Variants in IL20RB observed in about 807,000 individuals in gnomAD.
IL20RB encodes interleukin-20 receptor subunit beta.
In IL20RB, 21 loss-of-function variants were observed where a neutral mutation model predicts 33.3. The ratio of observed to expected loss-of-function variants is 0.63; its 90% CI spans 0.45 to 0.91. The LOEUF is 0.91. Ranked by LOEUF, IL20RB falls within the 40% of genes least tolerant of loss-of-function variation. The probability of loss-of-function intolerance (pLI) is 0.00; values close to 1 mark genes in which losing one functional copy is unlikely to be tolerated. For synonymous variants in IL20RB, 147 were observed against 146.8 expected (o/e 1.00, Z -0.01); for missense variants, 345 against 384.8 (o/e 0.90, Z 0.86).
At chr3:136,972,585 G>C (rs904477520) in intron 1 of IL20RB, among the ~76,000 whole-genome samples, 4 of 152,042 alleles carry the variant, frequency 2.6e-5, no homozygotes, top group Non-Finnish European at 4.4e-5. Flanking sequence ...CAGTTTGTCA[G>C]CTTATAGTTG....
intron 4 of IL20RB, among the ~76,000 whole-genome samples, chr3:136,991,473 GA>G (rs1183003940): frequency 6.6e-6 from 1 of 152,214 alleles, no homozygotes; most frequent in African/African-American, 2.4e-5. Context: ...ATGATTGAAT[GA>G]ATGAGTGCCT....
intron 6 of IL20RB, among the ~76,000 whole-genome samples, chr3:137,003,821 G>C (rs918931081): frequency 5.9e-5 from 9 of 152,206 alleles, no homozygotes; most frequent in Admixed American, 2.0e-4. Flanking sequence ...GGAGTGGTGA[G>C]AGAGGGCATC....
intron 1 of IL20RB, among the ~76,000 whole-genome samples, chr3:136,975,002 T>A (rs1229261207): frequency 6.6e-6 from 1 of 152,192 alleles, no homozygotes; most frequent in East Asian, 1.9e-4. Context: ...CTCATTTATA[T>A]TCTGAATTGT....
intron 1 of IL20RB, among the ~76,000 whole-genome samples, chr3:136,973,818 CTTCT>C (rs1471695094): frequency 3.8e-4 from 57 of 151,960 alleles, no homozygotes; most frequent in African/African-American, 1.3e-3. Flanking sequence ...ATATAGTAAC[CTTCT>C]TTGTCTTTTT....
At chr3:136,993,182 G>C (rs1235183814) in intron 5 of IL20RB, among the ~76,000 whole-genome samples, 1 of 152,114 alleles carries the variant, frequency 6.6e-6, no homozygotes, top group Non-Finnish European at 1.5e-5. Context: ...GGGCAACATA[G>C]CGAGACCTCG....
chr3:136,998,129 C>CTTTT (rs35491086), intron 6 of IL20RB, among the ~76,000 whole-genome samples: 4 of 119,404 alleles, frequency 3.3e-5, no homozygotes, highest in Non-Finnish European at 5.2e-5. Context: ...ATTTTCTTTT[C>CTTTT]TTTTTTTTTT....
At chr3:136,958,224 C>T (rs376726430) in intron 1 of IL20RB, 23 bp downstream of exon 1, 8 of 1,466,868 alleles carry the variant, frequency 5.5e-6, no homozygotes, top group Middle Eastern at 1.7e-4. Context: ...TAGAATACAT[C>T]CAATAGTTTG....
chr3:136,958,774 T>C lies in IL20RB; in HGVS notation c.88+573T>C, dbSNP rs543646135. ...CTCCACTCCTGGTTGCTTGTACCTA[T>C]CTGCTTTATTGTCTTAAAATTGGAA... On this transcript the variant is annotated intron_variant, in intron 1 of 6. Coordinates refer to ENST00000329582, the MANE Select transcript of IL20RB (RefSeq NM_144717.4). 9.8e-4 allele frequency among the ~76,000 whole-genome samples: 149 copies of C among 152,354 alleles called. 1 individual carries two copies. Among genetic ancestry groups the C allele is most frequent in the Admixed American group, 4.2e-3 (65 of 15,300 alleles).
chr3:137,008,060 G>A (rs1362215379), intron 6 of IL20RB, among the ~76,000 whole-genome samples: 2 of 152,112 alleles, frequency 1.3e-5, no homozygotes, highest in Non-Finnish European at 2.9e-5. Context: ...CATGGGAATG[G>A]GTGCTTTGGT....
chr3:136,981,541 T>C (rs1006260319), intron 2 of IL20RB, among the ~76,000 whole-genome samples: 2 of 152,184 alleles, frequency 1.3e-5, no homozygotes, highest in African/African-American at 4.8e-5. Flanking sequence ...GGATGGCCTC[T>C]CTGAGGAGGT....
intron 1 of IL20RB, among the ~76,000 whole-genome samples, chr3:136,976,699 C>T (rs141771090): frequency 4.6e-4 from 70 of 152,312 alleles, no homozygotes; most frequent in African/African-American, 1.6e-3. Context: ...CAGCAATAGC[C>T]TGAGTTTCCC....
At chr3:136,996,940 C>T (rs1228520959) in intron 6 of IL20RB, among the ~76,000 whole-genome samples, 6 of 152,052 alleles carry the variant, frequency 3.9e-5, no homozygotes, top group Admixed American at 3.9e-4. Flanking sequence ...ATGTATTCTG[C>T]AGTTATTGGG....
At chr3:136,971,153 C>T (rs186633766) in intron 1 of IL20RB, among the ~76,000 whole-genome samples, 126 of 151,798 alleles carry the variant, frequency 8.3e-4, no homozygotes, top group African/African-American at 1.8e-3. Context: ...TTTTTTGAGA[C>T]GGAGTCTCAC....
chr3:136,980,082 A>G (rs1209681301), intron 1 of IL20RB, among the ~76,000 whole-genome samples: 1 of 152,228 alleles, frequency 6.6e-6, no homozygotes, highest in East Asian at 1.9e-4. Flanking sequence ...CAGTATGGTC[A>G]TGAGAATTCA....
intron 1 of IL20RB, among the ~76,000 whole-genome samples, chr3:136,967,099 G>A (rs1941371830): frequency 1.1e-5 from 1 of 92,240 alleles, no homozygotes; most frequent in Non-Finnish European, 2.1e-5. Context: ...CATTTGCTGA[G>A]GAGAGCTTTA....
At chr3:136,986,262 T>C (rs961141064) in intron 3 of IL20RB, among the ~76,000 whole-genome samples, 1 of 143,652 alleles carries the variant, frequency 7.0e-6, no homozygotes, top group South Asian at 2.2e-4. Context: ...TAAATAAAAA[T>C]AAAACAGGAA....
intron 1 of IL20RB, chr3:136,959,639 T>G (rs553308356): frequency 1.3e-5 from 2 of 152,242 alleles, no homozygotes; most frequent in Admixed American, 6.5e-5. Flanking sequence ...GCCCGTCTTA[T>G]AAGTATTTTC....
chr3:136,970,876 T>C (rs1171368086), intron 1 of IL20RB, among the ~76,000 whole-genome samples: 1 of 151,794 alleles, frequency 6.6e-6, no homozygotes, highest in Non-Finnish European at 1.5e-5. Context: ...ATGGTCTCGA[T>C]CTCCTGACCT....
chr3:136,971,203 T>C (rs1374744433), intron 1 of IL20RB, among the ~76,000 whole-genome samples: 1 of 152,036 alleles, frequency 6.6e-6, no homozygotes, highest in Non-Finnish European at 1.5e-5. Context: ...CCATCTGGGC[T>C]CACTGCAACC....
Sources: allele counts gnomAD v4.1 joint callset (sites outside exome capture counted in the v4.1 genomes callset), GRCh38; gene constraint gnomAD v4.1.1; transcripts MANE v1.5; gene names NCBI Gene and HGNC (gene_info 2026-07-23, HGNC 2026-07-21).